LUZP1: variants seen among roughly 807,000 people sequenced by gnomAD.
The protein encoded by LUZP1 is leucine zipper protein 1, also known as filamin mechanobinding actin cross-linking protein.
LUZP1 carries 25 observed loss-of-function variants against 71.3 expected under a neutral mutation model. The ratio of observed to expected loss-of-function variants is 0.35; its 90% CI spans 0.26 to 0.49. The LOEUF (loss-of-function observed/expected upper bound fraction) is 0.49. Ranked by LOEUF, LUZP1 falls within the 20% of genes least tolerant of loss-of-function variation. LUZP1 has a pLI of 0.99. For synonymous variants in LUZP1, 481 were observed against 506.4 expected (o/e 0.95, Z 0.67); for missense variants, 1,142 against 1,300.8 (o/e 0.88, Z 1.88).
rs1643883778 is a variant in LUZP1 at position 23,094,730 on chromosome 1, A to T, written c.-119-350T>A. 6.6e-6 allele frequency among the ~76,000 whole-genome samples: 1 copy of T among 152,220 alleles called. No homozygotes were observed. The highest frequency in any genetic ancestry group is 1.5e-5 in the Non-Finnish European group (1 of 68,032). ...ACAATGGAAACTAAGTCTCAGTTTT[A>T]CTTAGTGGTAAAATGGGCATAATGA... On this transcript the variant is annotated intron_variant, in intron 3 of 4. Transcript: ENST00000302291. This position sits in a 1 kb window ranked among gnomAD's most constrained non-coding sequence, Gnocchi z 4.7.
chr1:23,164,186 T>TGAGA (rs1294792666), intron 2 of LUZP1: 10 of 150,418 alleles, frequency 6.6e-5, no homozygotes, highest in African/African-American at 2.4e-4. Flanking sequence ...AATCCATGGG[T>TGAGA]GAGAGAAGGG....
At chr1:23,100,806 T>C (rs1643925772) in intron 3 of LUZP1, among the ~76,000 whole-genome samples, 1 of 152,226 alleles carries the variant, frequency 6.6e-6, no homozygotes, top group Non-Finnish European at 1.5e-5. Flanking sequence ...GCTTCTCCTA[T>C]ATGACTTTAT....
chr1:23,144,710 G>A (rs188698515), intron 2 of LUZP1, among the ~76,000 whole-genome samples: 25 of 152,224 alleles, frequency 1.6e-4, no homozygotes, highest in Non-Finnish European at 2.2e-4. Context: ...AAAACCAAAA[G>A]AAGAAAGGAG....
At position 23,094,242 on chromosome 1, in the gene LUZP1, T is replaced by C; in HGVS notation, c.20A>G (p.Tyr7Cys). The C allele has an allele frequency of 6.2e-7, 1 of 1,607,282 alleles. No homozygotes were observed. Among genetic ancestry groups the C allele is most frequent in the Non-Finnish European group, 8.5e-7 (1 of 1,177,244 alleles). The change falls in exon 4 of 5, where the codon TAC becomes TGC. Residue 7 changes from tyrosine to cysteine, a missense_variant. Transcript: ENST00000302291. The surrounding 1 kb of genome is among the most constrained non-coding windows in gnomAD (Gnocchi z 4.7). ...GTGGCGGCTGGAGGCCGTCTCCTTGTAGCTTGTAAATTCGGCCATGTCTAC... is the reference window on the plus strand; with the variant it reads ...GTGGCGGCTGGAGGCCGTCTCCTTGCAGCTTGTAAATTCGGCCATGTCTAC...
intron 2 of LUZP1, among the ~76,000 whole-genome samples, chr1:23,113,463 C>T (rs981030104): frequency 2.6e-5 from 4 of 152,046 alleles, no homozygotes; most frequent in African/African-American, 9.7e-5. Context: ...AAAAATTAAA[C>T]CCATTTGCAA....
At chr1:23,157,970 CCA>C (rs1644433328) in intron 2 of LUZP1, among the ~76,000 whole-genome samples, 1 of 151,850 alleles carries the variant, frequency 6.6e-6, no homozygotes, top group South Asian at 2.1e-4. Context: ...TATTATTGAG[CCA>C]CCGCACTCCA....
At chr1:23,176,062 C>CT (rs57669214) in intron 1 of LUZP1, among the ~76,000 whole-genome samples, 18,063 of 129,794 alleles carry the variant, frequency 0.14, 1,700 homozygotes, top group South Asian at 0.31. Context: ...ACTTCCTTGA[C>CT]TTTTTTTTTT....
At chr1:23,111,489 A>T (rs1437304957) in intron 2 of LUZP1, among the ~76,000 whole-genome samples, 1 of 152,108 alleles carries the variant, frequency 6.6e-6, no homozygotes, top group African/African-American at 2.4e-5. Context: ...GGAGCCCAGA[A>T]GTTTGAGGCT....
exon 4 of LUZP1, chr1:23,092,385 C>T (rs1426593427): frequency 1.9e-6 from 3 of 1,614,040 alleles, no homozygotes; most frequent in African/African-American, 1.3e-5. Context: ...TTGATTAACC[C>T]CTTCTTTATG....
intron 2 of LUZP1, among the ~76,000 whole-genome samples, chr1:23,121,257 T>C (rs1644127243): frequency 6.6e-6 from 1 of 152,210 alleles, no homozygotes; most frequent in Non-Finnish European, 1.5e-5. Context: ...TCTTCAATAA[T>C]TTGTACTGCC....
chr1:23,173,728 T>C (rs1644566847), intron 1 of LUZP1, among the ~76,000 whole-genome samples: 1 of 151,976 alleles, frequency 6.6e-6, no homozygotes, highest in Admixed American at 6.6e-5. Flanking sequence ...GGAAAGAGGG[T>C]AAAAACACAG....
exon 5 of LUZP1, chr1:23,087,352 AATC>A (rs1324415022): frequency 6.6e-6 from 1 of 152,180 alleles, no homozygotes; most frequent in Non-Finnish European, 1.5e-5. Flanking sequence ...CACAAGCAAA[AATC>A]ATCCCATACT....
At chr1:23,144,446 T>G (rs1217791909) in intron 2 of LUZP1, among the ~76,000 whole-genome samples, 1 of 152,188 alleles carries the variant, frequency 6.6e-6, no homozygotes, top group Non-Finnish European at 1.5e-5. Context: ...AAGAGTGGGA[T>G]TCTATTAAAT....
intron 2 of LUZP1, among the ~76,000 whole-genome samples, chr1:23,138,570 AATG>A (rs948532707): frequency 6.6e-6 from 1 of 152,012 alleles, no homozygotes; most frequent in African/African-American, 2.4e-5. Flanking sequence ...GAAATTAAAT[AATG>A]ATGATGGTTG....
At chr1:23,126,322 T>C (rs1644171567) in intron 2 of LUZP1, among the ~76,000 whole-genome samples, 1 of 152,132 alleles carries the variant, frequency 6.6e-6, no homozygotes, top group Non-Finnish European at 1.5e-5. Context: ...TTAGATCCTA[T>C]TTTAAAACAA....
Position 23,094,197 on chromosome 1 carries a change from C to T in LUZP1, c.65G>A (p.Ser22Asn). 6.2e-7 allele frequency: 1 copy of T among 1,614,056 alleles called. No individual in the cohort carries two copies. Among genetic ancestry groups the T allele is most frequent in the South Asian group, 1.1e-5 (1 of 91,058 alleles). The change falls in exon 4 of 5, where the codon AGT becomes AAT. Residue 22 changes from serine (S) to asparagine (N), a missense_variant. Physicochemically the swap from Ser to Asn is conservative, Grantham distance 46 (BLOSUM62 1). Transcript: ENST00000302291. The surrounding 1 kb of genome is among the most constrained non-coding windows in gnomAD (Gnocchi z 4.7). ...CAACTCATCAAGGCGGCGGCTTAGA[C>T]TCTGTAGCTTAAACCGCAAGTGGCG...
chr1:23,162,442 AT>A (rs549246555), intron 2 of LUZP1, among the ~76,000 whole-genome samples: 267 of 131,082 alleles, frequency 2.0e-3, no homozygotes, highest in Admixed American at 2.5e-3. Flanking sequence ...ATATACTTTT[AT>A]TTTTTTTTTT....
At chr1:23,090,913 G>T (rs1257740625) in intron 4 of LUZP1, 1 of 718,062 alleles carries the variant, frequency 1.4e-6, no homozygotes, top group African/African-American at 1.7e-5. Context: ...CAAACCAAGG[G>T]AAGAGAAGAC....
intron 2 of LUZP1, among the ~76,000 whole-genome samples, chr1:23,152,558 A>G (rs1275491675): frequency 2.0e-5 from 3 of 151,996 alleles, no homozygotes; most frequent in Non-Finnish European, 4.4e-5. Context: ...TTTGAGACAC[A>G]GTTTCACTCT....
Sources: allele counts gnomAD v4.1 joint callset (sites outside exome capture counted in the v4.1 genomes callset), GRCh38; gene constraint gnomAD v4.1.1; non-coding constraint Gnocchi (gnomAD v3.1); transcripts MANE v1.5; gene names NCBI Gene and HGNC (gene_info 2026-07-23, HGNC 2026-07-21).